CHM: variants seen among roughly 807,000 people sequenced by gnomAD.
The protein encoded by CHM is CHM Rab escort protein, also known as rab proteins geranylgeranyltransferase component A 1.
Under a neutral mutation model 49.0 loss-of-function variants are expected in CHM, and 10 were observed. The observed-to-expected ratio is 0.20, with a 90% CI of 0.13 to 0.35. The LOEUF (loss-of-function observed/expected upper bound fraction) is 0.35, where lower values mean the gene tolerates loss of function less well. Among genes scored for constraint, CHM ranks in the 10% least tolerant of loss-of-function variants. The probability of loss-of-function intolerance (pLI) is 1.00; values close to 1 mark genes in which losing one functional copy is unlikely to be tolerated. For missense variants in CHM, 455 were observed against 478.4 expected (o/e 0.95, Z 0.46); for synonymous variants, 184 against 167.5 (o/e 1.10, Z -0.76).
intron 2 of CHM, among the ~76,000 whole-genome samples, chrX:86,023,971 ATGAT>A (rs1300811319): frequency 8.9e-6 from 1 of 112,083 alleles, no homozygotes; most frequent in East Asian, 2.8e-4. Context: ...AGGGAAGTGA[ATGAT>A]TAAGAGTATG....
At chrX:85,878,925 C>T (rs1924583581) in intron 13 of CHM, 40 bp downstream of exon 13, 2 of 945,298 alleles carry the variant, frequency 2.1e-6, no homozygotes, top group Non-Finnish European at 3.0e-6. Flanking sequence ...ATGATGGTTA[C>T]ATTACCTTTC....
intron 2 of CHM, among the ~76,000 whole-genome samples, chrX:85,983,296 A>G (rs1025171539): frequency 1.5e-4 from 17 of 110,746 alleles, no homozygotes; most frequent in Admixed American, 5.8e-4. Flanking sequence ...AATTTCAGCT[A>G]TAGTAGCAAT....
intron 8 of CHM, among the ~76,000 whole-genome samples, chrX:85,931,451 C>T (rs1418620281): frequency 3.6e-5 from 4 of 111,970 alleles, no homozygotes; most frequent in Admixed American, 9.5e-5. Context: ...ATCTTAGATA[C>T]TATTTTTTCA....
chrX:85,959,151 C>G (rs1930162566), intron 5 of CHM, among the ~76,000 whole-genome samples, 174 bp from the exon 6 acceptor site: 1 of 111,254 alleles, frequency 9.0e-6, no homozygotes, highest in Admixed American at 9.6e-5. Flanking sequence ...AGCTGAAATT[C>G]AAAATTCAAA....
At chrX:85,916,866 C>A (rs918466092) in intron 8 of CHM, among the ~76,000 whole-genome samples, 1 of 112,227 alleles carries the variant, frequency 8.9e-6, no homozygotes, top group Non-Finnish European at 1.9e-5. Flanking sequence ...TTAGTTCAAC[C>A]ATTATGGATG....
chrX:85,868,841 T>C (rs1489065768), intron 14 of CHM, among the ~76,000 whole-genome samples: 1 of 112,106 alleles, frequency 8.9e-6, no homozygotes, highest in Non-Finnish European at 1.9e-5. Flanking sequence ...CCAAGATTCC[T>C]ACTATAGAAA....
chrX:85,985,260 T>C (rs1931842835), intron 2 of CHM, among the ~76,000 whole-genome samples: 1 of 112,058 alleles, frequency 8.9e-6, no homozygotes, highest in Non-Finnish European at 1.9e-5. Context: ...TCAGACCCAG[T>C]CCCCCAAGCC....
At chrX:85,978,571 C>T (rs1412040226) in intron 4 of CHM, 196 bp downstream of exon 4, 1 of 318,193 alleles carries the variant, frequency 3.1e-6, no homozygotes, top group South Asian at 3.8e-5. Context: ...TTGGTAAATT[C>T]GGAGGCGTTA....
At chrX:85,882,913 G>A (rs780050376) in intron 12 of CHM, among the ~76,000 whole-genome samples, 3 of 110,682 alleles carry the variant, frequency 2.7e-5, no homozygotes, top group African/African-American at 9.8e-5. Flanking sequence ...ATATCTACTT[G>A]GCCAAGTCAG....
chrX:85,911,127 A>ATGTGTGTG (rs1454529523), intron 9 of CHM, 134 bp downstream of exon 9: 4 of 14,675 alleles, frequency 2.7e-4, no homozygotes, highest in Non-Finnish European at 3.9e-4. Flanking sequence ...GTGTGTGTAT[A>ATGTGTGTG]TGTATATATA....
At chrX:85,904,929 T>C (rs190414637) in intron 9 of CHM, among the ~76,000 whole-genome samples, 14 of 111,997 alleles carry the variant, frequency 1.3e-4, no homozygotes, top group Non-Finnish European at 1.9e-4. Flanking sequence ...AAATTGTATA[T>C]AGTCAATGTG....
intron 2 of CHM, among the ~76,000 whole-genome samples, chrX:85,987,477 T>C (rs1248111488): frequency 9.0e-6 from 1 of 111,700 alleles, no homozygotes; most frequent in Non-Finnish European, 1.9e-5. Context: ...CAACAAAAGA[T>C]TGGGAACCCA....
intron 2 of CHM, among the ~76,000 whole-genome samples, chrX:86,010,557 A>G (rs5922206): frequency 0.28 from 30,227 of 109,583 alleles, 3,527 homozygotes; most frequent in Admixed American, 0.39. Flanking sequence ...AACTTAGACC[A>G]ATAAAAACTT....
intron 4 of CHM, among the ~76,000 whole-genome samples, chrX:85,973,299 A>AC (rs1931060128): frequency 1.5e-5 from 1 of 68,457 alleles, no homozygotes; most frequent in Non-Finnish European, 2.8e-5. Flanking sequence ...CTCTGTCTCG[A>AC]CAAAAAAAAA....
chrX:85,888,800 G>A (rs1443118298), intron 12 of CHM, among the ~76,000 whole-genome samples: 1 of 111,979 alleles, frequency 8.9e-6, no homozygotes, highest in African/African-American at 3.3e-5. Flanking sequence ...CTTCTACCAA[G>A]CATCACTGAA....
At position 85,981,870 on chromosome X, in the gene CHM, T is replaced by A; in HGVS notation, c.117-61A>T. ...AATGGTATAAAAATCAATTCACTGA[T>A]CTTCATCAACAAACCATCTTTAACC... is the stretch of plus-strand genomic sequence containing the variant. On this transcript the variant is annotated intron_variant, in intron 2 of 14. Transcript: ENST00000357749. 1.7e-5 allele frequency: 15 copies of A among 878,816 alleles called. No homozygotes were observed. In the South Asian group the frequency reaches 3.5e-4, roughly 20 times the overall value. The allele number at this position is 878,816 out of a possible 1,213,427, so 72.4% of individuals were successfully genotyped here. A position where few individuals can be genotyped will look rare whatever the true frequency, so the allele number is the denominator to read the frequency against.
intron 2 of CHM, among the ~76,000 whole-genome samples, chrX:86,008,556 G>A (rs1173195989): frequency 9.0e-6 from 1 of 111,696 alleles, no homozygotes. Flanking sequence ...TTTAAAATAT[G>A]AATCATTATT....
At chrX:85,911,206 TATATATATGA>T (rs1423278817) in intron 9 of CHM, 45 bp downstream of exon 9, 5 of 120,300 alleles carry the variant, frequency 4.2e-5, no homozygotes, top group African/African-American at 2.6e-4. Context: ...TATATGAATA[TATATATATGA>T]ATATATATAT....
At chrX:85,995,637 T>C (rs1932405771) in intron 2 of CHM, among the ~76,000 whole-genome samples, 1 of 112,426 alleles carries the variant, frequency 8.9e-6, no homozygotes, top group Admixed American at 9.4e-5. Context: ...TCTGAGTTTG[T>C]TTCCTCATCT....
Sources: gnomAD v4.1 joint callset for allele counts (sites outside exome capture counted in the v4.1 genomes callset) on GRCh38, gnomAD v4.1.1 for gene constraint, MANE v1.5 for transcripts, NCBI Gene and HGNC (gene_info 2026-07-23, HGNC 2026-07-21) for gene names.